Variants in MINK1 observed in about 807,000 individuals in gnomAD.
MINK1 encodes the protein misshapen-like kinase 1.
MINK1 carries 46 observed loss-of-function variants against 178.4 expected under a neutral mutation model. The observed-to-expected ratio is 0.26, with a 90% confidence interval of 0.20 to 0.33. The LOEUF is 0.33. Ranked by LOEUF, MINK1 falls within the 10% of genes least tolerant of loss-of-function variation. MINK1 has a pLI of 1.00. For missense variants in MINK1, 1,366 were observed against 1,814.9 expected (o/e 0.75, Z 4.49); for synonymous variants, 797 against 709.7 (o/e 1.12, Z -1.96).
At chr17:4,891,828 A>G in intron 16 of MINK1, 112 bp downstream of exon 16, 1 of 1,403,602 alleles carries the variant, frequency 7.1e-7, no homozygotes, top group Non-Finnish European at 9.4e-7. Flanking sequence ...GAAGCGAGAG[A>G]AAGCCAGGGC....
intron 1 of MINK1, among the ~76,000 whole-genome samples, chr17:4,850,394 C>T (rs1456163177): frequency 6.6e-6 from 1 of 151,950 alleles, no homozygotes; most frequent in African/African-American, 2.4e-5. Flanking sequence ...TGCGTCTCTT[C>T]AGCTGTAATT....
chr17:4,867,864 A>G (rs1384816108), intron 1 of MINK1, among the ~76,000 whole-genome samples: 1 of 152,196 alleles, frequency 6.6e-6, no homozygotes, highest in Non-Finnish European at 1.5e-5. Flanking sequence ...GATGGAATAC[A>G]TGTGATCTTT....
chr17:4,862,791 T>C (rs35080061), intron 1 of MINK1, among the ~76,000 whole-genome samples: 117,873 of 152,058 alleles, frequency 0.78, 46,801 homozygotes, highest in Non-Finnish European at 0.84. Flanking sequence ...TAGCACTTTG[T>C]GTGTCCGAGG....
chr17:4,890,797 A>G (rs1054477380), intron 14 of MINK1, 62 bp downstream of exon 14: 3 of 1,525,468 alleles, frequency 2.0e-6, no homozygotes, highest in African/African-American at 2.8e-5. Context: ...CTGGAGAGCC[A>G]CAAGAAGTAG....
chr17:4,838,592 G>A (rs984424080), intron 1 of MINK1, among the ~76,000 whole-genome samples: 1 of 152,226 alleles, frequency 6.6e-6, no homozygotes, highest in African/African-American at 2.4e-5. Context: ...GGCAGGAAGT[G>A]TGCAGCCGCT....
intron 16 of MINK1, 129 bp from the exon 17 acceptor site, chr17:4,892,017 TCAC>T: frequency 1.2e-6 from 1 of 815,332 alleles, no homozygotes; most frequent in South Asian, 1.6e-5. Flanking sequence ...CTGGACGTAT[TCAC>T]TAACTCCCCT....
chr17:4,893,751 C>G, intron 21 of MINK1, 154 bp downstream of exon 21: 1 of 1,185,538 alleles, frequency 8.4e-7, no homozygotes, highest in South Asian at 1.7e-5. Flanking sequence ...GTCTCTCTCC[C>G]GCTGCCCTGT....
chr17:4,878,539 C>T (rs569438889), intron 2 of MINK1, among the ~76,000 whole-genome samples, 157 bp downstream of exon 2: 128 of 152,240 alleles, frequency 8.4e-4, no homozygotes, highest in African/African-American at 2.9e-3. Context: ...GAGGAAAGAG[C>T]ACCCAGAAGG....
Position 4,895,497 on chromosome 17 carries a change from C to T in MINK1, c.3229+4C>T, listed in dbSNP as rs765661509. ...AACCTGCTCATCACCATCTCAGGTA[C>T]AGGTGTGGTGAGTGGGGGAGGGAGG... On this transcript the variant is annotated splice_donor_region_variant and intron_variant, in intron 26 of 31. Coordinates refer to ENST00000355280, the MANE Select transcript of MINK1 (RefSeq NM_153827.5). The surrounding 1 kb of genome is among the most constrained non-coding windows in gnomAD (Gnocchi z 4.3). 2 of 1,575,452 alleles carry T rather than the reference C, an allele frequency of 1.3e-6. No homozygotes were observed. Among genetic ancestry groups the T allele is most frequent in the South Asian group, 2.4e-5 (2 of 84,284 alleles).
chr17:4,890,914 C>G, intron 14 of MINK1, 37 bp from the exon 15 acceptor site: 1 of 1,551,158 alleles, frequency 6.4e-7, no homozygotes, highest in Non-Finnish European at 8.7e-7. Flanking sequence ...AACAGGGAGG[C>G]AAGAGCTGGC....
rs573147692 is a variant in MINK1 at position 4,877,171 on chromosome 17, C to G, written c.58-1146C>G. Reference sequence around the variant, plus strand: ...CTGGGCTGTATCTCTCTTCAGCTTGCAGCTCCACCTCCCAATTTCTTTCTC... The same window carrying G: ...CTGGGCTGTATCTCTCTTCAGCTTGGAGCTCCACCTCCCAATTTCTTTCTC... On this transcript the variant is annotated intron_variant, in intron 1 of 31. Coordinates refer to ENST00000355280, the MANE Select transcript of MINK1 (RefSeq NM_153827.5). 1.7e-3 allele frequency among the ~76,000 whole-genome samples: 252 copies of G among 151,894 alleles called. 1 individual carries two copies. The highest frequency in any genetic ancestry group is 5.9e-3 in the African/African-American group (245 of 41,440).
At chr17:4,845,035 C>T (rs1910810638) in intron 1 of MINK1, among the ~76,000 whole-genome samples, 2 of 152,138 alleles carry the variant, frequency 1.3e-5, no homozygotes, top group African/African-American at 4.8e-5. Flanking sequence ...CCTTCCAGCC[C>T]CTGGCACCCA....
chr17:4,894,197 G>A lies in MINK1; in HGVS notation c.2694G>A (p.Leu898=). The part of the protein sequence containing the change: ...VQRTPEEERN[L]LHADSNGYTN... The stretch of plus-strand genomic sequence containing the variant: ...AGACCCCTGAAGAGGAGCGGAACCT[G>A]CTGCATGCTGACAGCAATGGGTACA... Residue 898 remains leucine, a synonymous_variant, in exon 23 of 32, where the codon CTG becomes CTA. Coordinates refer to ENST00000355280, the MANE Select transcript of MINK1 (RefSeq NM_153827.5). This position sits in a 1 kb window ranked among gnomAD's most constrained non-coding sequence, Gnocchi z 4.1. 2.5e-6 allele frequency: 4 copies of A among 1,613,668 alleles called. No individual in the cohort carries two copies. The East Asian group carries it at 8.9e-5, about 36-fold the overall frequency.
intron 1 of MINK1, chr17:4,851,160 T>C (rs546418517): frequency 1.8e-5 from 7 of 385,968 alleles, no homozygotes; most frequent in African/African-American, 8.4e-5. Flanking sequence ...TTTGCCACAG[T>C]TTTGCCTTGC....
chr17:4,873,585 A>G (rs1351771412), intron 1 of MINK1, among the ~76,000 whole-genome samples: 1 of 150,122 alleles, frequency 6.7e-6, no homozygotes, highest in Non-Finnish European at 1.5e-5. Flanking sequence ...CTCCCACAAC[A>G]CAGCATGGTC....
rs754070091 is a variant in MINK1, at chr17:4,895,273, T to G, written c.3085+31T>G. The stretch of plus-strand genomic sequence containing the variant: ...CCAGGGCAGGGACAGCTGAGGAGGC[T>G]CTGGCGTGGCTCTTGTGCTCCTGGT... On this transcript the variant is annotated intron_variant, in intron 25 of 31. Coordinates refer to ENST00000355280, the MANE Select transcript of MINK1 (RefSeq NM_153827.5). The surrounding 1 kb of genome is among the most constrained non-coding windows in gnomAD (Gnocchi z 4.3). The G allele has an allele frequency of 2.5e-6, 4 of 1,612,446 alleles. No individual in the cohort carries two copies. In the African/African-American group the frequency reaches 4.0e-5, roughly 16 times the overall value.
At chr17:4,842,148 C>T (rs937167993) in intron 1 of MINK1, among the ~76,000 whole-genome samples, 2 of 148,066 alleles carry the variant, frequency 1.4e-5, no homozygotes, top group Non-Finnish European at 3.0e-5. Context: ...GGCATGAACC[C>T]GGGAGGCGGA....
intron 1 of MINK1, among the ~76,000 whole-genome samples, chr17:4,866,799 C>G (rs3893283): frequency 4.0e-5 from 6 of 151,120 alleles, no homozygotes; most frequent in African/African-American, 2.4e-5. Context: ...CTCGATCGGG[C>G]GCGGTGGCTC....
chr17:4,844,939 T>C (rs974501809), intron 1 of MINK1, among the ~76,000 whole-genome samples: 53 of 152,174 alleles, frequency 3.5e-4, no homozygotes, highest in Non-Finnish European at 1.3e-4. Context: ...GTTGTGCAAC[T>C]GTAACCACTA....
Sources: gnomAD v4.1 joint callset for allele counts (sites outside exome capture counted in the v4.1 genomes callset) on GRCh38, gnomAD v4.1.1 for gene constraint, Gnocchi (gnomAD v3.1) non-coding constraint, MANE v1.5 for transcripts, NCBI Gene and HGNC (gene_info 2026-07-23, HGNC 2026-07-21) for gene names.